Variants in SV2C observed in about 807,000 individuals in gnomAD.
SV2C encodes the protein synaptic vesicle glycoprotein 2C.
SV2C carries 49 observed loss-of-function variants against 79.7 expected under a neutral mutation model. The observed-to-expected ratio is 0.61, with a 90% CI of 0.49 to 0.78. SV2C has a LOEUF of 0.78. Ranked by LOEUF, SV2C falls within the 30% of genes least tolerant of loss-of-function variation. The pLI, the probability that SV2C is intolerant of heterozygous loss-of-function variation, is 0.00. For missense variants in SV2C, 833 were observed against 912.9 expected (o/e 0.91, Z 1.13); for synonymous variants, 334 against 333.2 (o/e 1.00, Z -0.03).
At chr5:75,975,755 T>C in the SV2C span, among the ~76,000 whole-genome samples, 1 of 152,068 alleles carries the variant, frequency 6.6e-6, no homozygotes, top group African/African-American at 2.4e-5. Flanking sequence ...GGGATTAGAG[T>C]GTTGAGGCTC....
chr5:76,212,347 T>A (rs1241572470), intron 4 of SV2C, among the ~76,000 whole-genome samples: 2 of 152,212 alleles, frequency 1.3e-5, no homozygotes, highest in Non-Finnish European at 2.9e-5. Flanking sequence ...TAAGGGCTGC[T>A]CCAGGTAGGT....
At chr5:75,916,158 C>T in the SV2C span, among the ~76,000 whole-genome samples, 1 of 152,296 alleles carries the variant, frequency 6.6e-6, no homozygotes, top group South Asian at 2.1e-4. Context: ...CAAGTCAAAA[C>T]GTTTTGAACA....
At chr5:76,223,193 T>A (rs1350713866) in intron 4 of SV2C, among the ~76,000 whole-genome samples, 1 of 151,920 alleles carries the variant, frequency 6.6e-6, no homozygotes, top group Admixed American at 6.6e-5. Context: ...TTTTAAAAAT[T>A]ATCTTAGGCT....
intron 12 of SV2C, among the ~76,000 whole-genome samples, chr5:76,325,111 C>T (rs190790110): frequency 2.6e-5 from 4 of 152,322 alleles, no homozygotes; most frequent in Admixed American, 6.5e-5. Context: ...TCTTTCTGTT[C>T]ACAATACATT....
At chr5:76,235,095 C>A (rs1579971353) in intron 4 of SV2C, among the ~76,000 whole-genome samples, 1 of 149,286 alleles carries the variant, frequency 6.7e-6, no homozygotes, top group Non-Finnish European at 1.5e-5. Flanking sequence ...AGATTGTACC[C>A]AATTGTGATT....
intron 12 of SV2C, among the ~76,000 whole-genome samples, chr5:76,305,354 C>T (rs1748152307): frequency 6.6e-6 from 1 of 152,190 alleles, no homozygotes; most frequent in African/African-American, 2.4e-5. Flanking sequence ...TACTCAGAGT[C>T]TACCATGAAG....
the SV2C span, among the ~76,000 whole-genome samples, chr5:76,059,412 A>G: frequency 6.6e-6 from 1 of 152,026 alleles, no homozygotes; most frequent in African/African-American, 2.4e-5. Context: ...TTTATGTCCT[A>G]TCGTAAATCC....
the SV2C span, among the ~76,000 whole-genome samples, chr5:75,977,236 TG>T: frequency 6.6e-6 from 1 of 152,144 alleles, no homozygotes; most frequent in East Asian, 1.9e-4. Flanking sequence ...GTAGTCAGGC[TG>T]AACTTTAAAA....
the SV2C span, among the ~76,000 whole-genome samples, chr5:75,882,819 C>T: frequency 1.3e-5 from 2 of 150,770 alleles, no homozygotes; most frequent in Admixed American, 1.3e-4. Flanking sequence ...GCAATGGCAA[C>T]AAAAGCCAAA....
intron 9 of SV2C, 92 bp downstream of exon 9, chr5:76,296,034 T>G (rs1206704057): frequency 1.6e-6 from 2 of 1,258,916 alleles, no homozygotes; most frequent in East Asian, 2.5e-5. Context: ...CATAGTTTTT[T>G]GTTTGTTTGT....
At chr5:76,042,541 G>T in the SV2C span, among the ~76,000 whole-genome samples, 5 of 152,198 alleles carry the variant, frequency 3.3e-5, no homozygotes, top group Admixed American at 2.0e-4. Context: ...TAGGTCTTCA[G>T]TTTAGCATTC....
At chr5:76,022,248 G>A in the SV2C span, among the ~76,000 whole-genome samples, 1 of 152,184 alleles carries the variant, frequency 6.6e-6, no homozygotes, top group Non-Finnish European at 1.5e-5. Flanking sequence ...GCCTTAAAAT[G>A]TCAAAGTATC....
the SV2C span, among the ~76,000 whole-genome samples, chr5:75,899,609 C>G: frequency 6.6e-6 from 1 of 151,998 alleles, no homozygotes; most frequent in East Asian, 1.9e-4. Flanking sequence ...GAGTTCAATT[C>G]CTGGGTACCC....
At chr5:76,250,832 GT>G (rs899061422) in intron 4 of SV2C, among the ~76,000 whole-genome samples, 8 of 151,266 alleles carry the variant, frequency 5.3e-5, no homozygotes, top group Non-Finnish European at 7.4e-5. Context: ...CTCAATGGAC[GT>G]TTTTTTTTCT....
chr5:75,979,542 C>A, the SV2C span, among the ~76,000 whole-genome samples: 3 of 115,140 alleles, frequency 2.6e-5, no homozygotes, highest in Non-Finnish European at 6.8e-5. Flanking sequence ...GGGATCACAG[C>A]ACAATGAATT....
At chr5:76,334,192 C>CAGAT (rs1749264010), downstream of SV2C, among the ~76,000 whole-genome samples, 6 of 152,154 alleles carry the variant, frequency 3.9e-5, no homozygotes, top group South Asian at 1.2e-3. Context: ...TGTGGCAAAG[C>CAGAT]AGATGCTTGT....
At chr5:76,293,797 T>A (rs1008782196) in intron 8 of SV2C, among the ~76,000 whole-genome samples, 2 of 152,140 alleles carry the variant, frequency 1.3e-5, no homozygotes, top group Non-Finnish European at 2.9e-5. Context: ...GACATCCCAT[T>A]TAAACTGAGC....
chr5:75,929,650 A>C, the SV2C span, among the ~76,000 whole-genome samples: 1 of 152,072 alleles, frequency 6.6e-6, no homozygotes, highest in Non-Finnish European at 1.5e-5. Flanking sequence ...TATGTACACA[A>C]CTAATTTTAT....
chr5:75,851,441 G>C, the SV2C span, among the ~76,000 whole-genome samples: 1 of 152,180 alleles, frequency 6.6e-6, no homozygotes, highest in Admixed American at 6.5e-5. Context: ...TTCTACTTCA[G>C]GCTAGGATGT....
Sources: allele counts gnomAD v4.1 joint callset (sites outside exome capture counted in the v4.1 genomes callset), GRCh38; gene constraint gnomAD v4.1.1; transcripts MANE v1.5; gene names NCBI Gene and HGNC (gene_info 2026-07-23, HGNC 2026-07-21).